Variants in NEMP1 observed in about 807,000 individuals in gnomAD.
The protein encoded by NEMP1 is nuclear envelope integral membrane protein 1.
Under a neutral mutation model 53.7 loss-of-function variants are expected in NEMP1, and 29 were observed. That is an observed-to-expected ratio of 0.54 (90% CI 0.40 to 0.74). The LOEUF (loss-of-function observed/expected upper bound fraction) is 0.74, where lower values mean the gene tolerates loss of function less well. Among genes scored for constraint, NEMP1 ranks in the 30% least tolerant of loss-of-function variants. NEMP1 has a pLI of 0.00. For synonymous variants in NEMP1, 193 were observed against 192.9 expected, an observed-to-expected ratio of 1.00 and a Z score of 0.00; for missense variants, 477 against 528.6, an observed-to-expected ratio of 0.90 and a Z score of 0.96.
intron 4 of NEMP1, among the ~76,000 whole-genome samples, chr12:57,066,312 C>T (rs947271997): frequency 3.3e-5 from 5 of 152,176 alleles, no homozygotes; most frequent in Non-Finnish European, 7.3e-5. Context: ...TTCTCAACAG[C>T]CAACTAAAAC....
At chr12:57,085,760 G>C (rs746627924) in intron 1 of NEMP1, among the ~76,000 whole-genome samples, 3 of 152,238 alleles carry the variant, frequency 2.0e-5, no homozygotes, top group Non-Finnish European at 4.4e-5. Flanking sequence ...ATTTTAGAAG[G>C]CCAAGGAGCC....
chr12:57,059,916 C>A lies in NEMP1; in HGVS notation c.1298G>T (p.Arg433Leu), dbSNP rs79322678. The change falls in exon 9 of 9, where the codon CGG (arginine) becomes CTG (leucine). Residue 433 changes from arginine (R) to leucine (L), a missense_variant. Physicochemically the swap from Arg to Leu is moderately radical, Grantham distance 102 (BLOSUM62 -2). Transcript: ENST00000300128. ...ASSEEEDSYS[R>L]CPAITQNNFL... is the part of the protein sequence containing the mutation. ...GTTGTTCTGTGTGATAGCAGGACAC[C>A]GAGAATATGAGTCCTCCTCCTCAGA... 2.5e-6 allele frequency: 4 copies of A among 1,613,660 alleles called. No individual in the cohort carries two copies. The African/African-American group carries it at 5.3e-5, about 22-fold the overall frequency.
At chr12:57,083,655 G>T (rs755010413), upstream of NEMP1, among the ~76,000 whole-genome samples, 6 of 152,218 alleles carry the variant, frequency 3.9e-5, no homozygotes. Flanking sequence ...TCATACTGTG[G>T]TAAGTGAAAG....
intron 7 of NEMP1, among the ~76,000 whole-genome samples, chr12:57,061,747 T>C (rs962692034): frequency 1.4e-5 from 2 of 146,118 alleles, no homozygotes; most frequent in Admixed American, 1.4e-4. Context: ...ACACCTGTAA[T>C]CCCAGCACTT....
intron 1 of NEMP1, among the ~76,000 whole-genome samples, chr12:57,086,196 C>T (rs957065782): frequency 6.6e-6 from 1 of 152,160 alleles, no homozygotes; most frequent in Non-Finnish European, 1.5e-5. Flanking sequence ...TCTACACGTG[C>T]GCGTAGGGAC....
intron 7 of NEMP1, 96 bp from the exon 8 acceptor site, chr12:57,061,041 A>G (rs556085321): frequency 8.7e-6 from 11 of 1,271,394 alleles, no homozygotes; most frequent in Non-Finnish European, 1.2e-5. Context: ...TACAGCAGAC[A>G]GCCTGAACAT....
At chr12:57,083,898 C>G (rs893726182) in intron 1 of NEMP1, among the ~76,000 whole-genome samples, 8 of 152,200 alleles carry the variant, frequency 5.3e-5, no homozygotes, top group Non-Finnish European at 1.0e-4. Context: ...CTCCACCTCC[C>G]GAGTAGCTGG....
chr12:57,075,390 TATAAATAAATAA>T lies in NEMP1; in HGVS notation c.128-2490_128-2479del, dbSNP rs36162399. On this transcript the variant is annotated intron_variant, in intron 1 of 8. Transcript: ENST00000300128. ...GCGACAGAGCAAGACTCCATTTCAA[TATAAATAAATAA>T]ATAAATAAATAAATAAATAAATAAA... Among the ~76,000 whole-genome samples the T allele has an allele frequency of 6.3e-3, 850 of 135,888 alleles. 4 individuals carry two copies. Among genetic ancestry groups the T allele is most frequent in the African/African-American group, 0.02 (722 of 36,354 alleles). The allele number at this position is 135,888 out of a possible 152,430, so 89.1% of individuals were successfully genotyped here.
At chr12:57,061,896 G>C (rs1475019511) in intron 7 of NEMP1, among the ~76,000 whole-genome samples, 1 of 151,986 alleles carries the variant, frequency 6.6e-6, no homozygotes, top group East Asian at 1.9e-4. Flanking sequence ...CTACTCAGGA[G>C]GCTGAGGCAG....
At chr12:57,082,602 C>T (rs1370065267), upstream of NEMP1, among the ~76,000 whole-genome samples, 4 of 151,962 alleles carry the variant, frequency 2.6e-5, no homozygotes, top group Admixed American at 2.6e-4. Context: ...GTCCCAGCTG[C>T]TCAGGAGGCT....
At chr12:57,077,948 G>A (rs187224804) in intron 1 of NEMP1, among the ~76,000 whole-genome samples, 1 of 152,232 alleles carries the variant, frequency 6.6e-6, no homozygotes, top group East Asian at 1.9e-4. Flanking sequence ...CGGGCGCGGT[G>A]GCGGGTGCCT....
rs893534909 is a variant in NEMP1, at chr12:57,070,570, A to G, written c.472+104T>C. On this transcript the variant is annotated intron_variant, in intron 3 of 8. Coordinates refer to ENST00000300128, the MANE Select transcript of NEMP1 (RefSeq NM_001130963.2). ...TACTCAGGGTTATAATCAGAACCCAACTGGAGCTGTCTTAGGCTGACTTCT... is the reference window on the plus strand; with the variant it reads ...TACTCAGGGTTATAATCAGAACCCAGCTGGAGCTGTCTTAGGCTGACTTCT... The G allele has an allele frequency of 4.7e-5, 44 of 945,474 alleles. No homozygotes were observed. The African/African-American group carries it at 6.3e-4, about 14-fold the overall frequency. The allele number at this position is 945,474 out of a possible 1,614,324, so 58.6% of individuals were successfully genotyped here.
At chr12:57,061,059 C>T in intron 7 of NEMP1, 114 bp from the exon 8 acceptor site, 1 of 1,039,446 alleles carries the variant, frequency 9.6e-7, no homozygotes, top group Non-Finnish European at 1.4e-6. Context: ...CATTAAGAGT[C>T]ATCACTCCTA....
upstream of NEMP1, among the ~76,000 whole-genome samples, chr12:57,080,184 T>C (rs1378057438): frequency 2.0e-5 from 3 of 152,176 alleles, no homozygotes; most frequent in East Asian, 5.8e-4. Flanking sequence ...CAGGCTGACC[T>C]CAAACTCCTG....
upstream of NEMP1, among the ~76,000 whole-genome samples, chr12:57,080,265 C>T (rs2136524642): frequency 6.6e-6 from 1 of 152,276 alleles, no homozygotes; most frequent in African/African-American, 2.4e-5. Flanking sequence ...TGCACCTGGT[C>T]TAAAACAAGG....
Position 57,060,776 on chromosome 12 carries a change from T to C in NEMP1, c.1150A>G (p.Lys384Glu). 3.7e-6 allele frequency: 6 copies of C among 1,611,744 alleles called. No individual in the cohort carries two copies. In the South Asian group the frequency reaches 5.5e-5, roughly 15 times the overall value. The stretch of plus-strand genomic sequence containing the variant: ...GGTATATCTGGCCGAGTTTACCTTT[T>C]TGGAGACTGGATTCGAGAAACAGTC... ...WKTVSRIQSP[K>E]RFADFVEGSS... Residue 384 changes from lysine to glutamate, a missense_variant, in exon 8 of 9, where the codon AAA (lysine) becomes GAA (glutamate). By Grantham distance (56) the Lys-to-Glu change is moderately conservative (BLOSUM62 1). Coordinates refer to ENST00000300128, the MANE Select transcript of NEMP1 (RefSeq NM_001130963.2).
At chr12:57,085,443 C>T (rs116579512) in intron 1 of NEMP1, among the ~76,000 whole-genome samples, 105 of 152,316 alleles carry the variant, frequency 6.9e-4, no homozygotes, top group African/African-American at 2.5e-3. Flanking sequence ...CACTCACCCT[C>T]TTATACTTCT....
chr12:57,071,074 G>A (rs1366072135), intron 2 of NEMP1, among the ~76,000 whole-genome samples, 181 bp from the exon 3 acceptor site: 1 of 152,130 alleles, frequency 6.6e-6, no homozygotes, highest in African/African-American at 2.4e-5. Context: ...AAATAACACT[G>A]CACATGTTAC....
chr12:57,072,969 A>G, intron 1 of NEMP1, 57 bp from the exon 2 acceptor site: 1 of 1,466,468 alleles, frequency 6.8e-7, no homozygotes, highest in African/African-American at 1.4e-5. Context: ...ACTATAACTC[A>G]TTTCATGAAA....
Sources: gnomAD v4.1 joint callset for allele counts (sites outside exome capture counted in the v4.1 genomes callset) on GRCh38, gnomAD v4.1.1 for gene constraint, MANE v1.5 for transcripts, NCBI Gene and HGNC (gene_info 2026-07-23, HGNC 2026-07-21) for gene names.